The following LIPH variants were observed in gnomAD, a reference collection of about 807,000 sequenced individuals.
The protein encoded by LIPH is lipase member H.
A neutral mutation model predicts 47.6 loss-of-function variants in LIPH; 32 were observed. The ratio of observed to expected loss-of-function variants is 0.67; its 90% CI spans 0.51 to 0.90. The LOEUF (loss-of-function observed/expected upper bound fraction) is 0.90. Among genes scored for constraint, LIPH ranks in the 40% least tolerant of loss-of-function variants. The pLI, the probability that LIPH is intolerant of heterozygous loss-of-function variation, is 0.00. For missense variants in LIPH, 497 were observed against 541.4 expected (o/e 0.92, Z 0.81); for synonymous variants, 190 against 195.6 (o/e 0.97, Z 0.24).
chr3:185,537,784 A>C (rs1050114809), intron 1 of LIPH, among the ~76,000 whole-genome samples: 3 of 152,094 alleles, frequency 2.0e-5, no homozygotes, highest in Non-Finnish European at 4.4e-5. Flanking sequence ...TTACTTTCCC[A>C]AGAAGAGGAT....
chr3:185,543,181 C>A (rs1720767488), intron 1 of LIPH, among the ~76,000 whole-genome samples: 1 of 152,084 alleles, frequency 6.6e-6, no homozygotes, highest in African/African-American at 2.4e-5. Context: ...TGCACTCCAG[C>A]CTGGGCAACA....
At chr3:185,549,093 T>G (rs1342964316) in intron 1 of LIPH, among the ~76,000 whole-genome samples, 4 of 149,176 alleles carry the variant, frequency 2.7e-5, no homozygotes, top group African/African-American at 9.9e-5. Context: ...ATCGCACCAC[T>G]GCAGTCCAGC....
intron 5 of LIPH, among the ~76,000 whole-genome samples, chr3:185,522,679 AAAGAAAGAAAGAAAGAAAG>A (rs1719944089): frequency 6.9e-6 from 1 of 145,738 alleles, no homozygotes; most frequent in Non-Finnish European, 1.5e-5. Flanking sequence ...AGAAAGAAAG[AAAGAAAGAAAGAAAGAAAG>A]AAAGGTGGCC....
intron 1 of LIPH, chr3:185,546,953 A>G (rs1233926647): frequency 2.2e-6 from 1 of 445,824 alleles, no homozygotes; most frequent in Non-Finnish European, 4.5e-6. Flanking sequence ...GAGACTCCTC[A>G]TTCATATCCA....
chr3:185,527,951 G>A (rs915478002), intron 3 of LIPH, among the ~76,000 whole-genome samples: 7 of 151,504 alleles, frequency 4.6e-5, no homozygotes, highest in South Asian at 2.1e-4. Flanking sequence ...CAGCCTGGGC[G>A]CAGTGGCTCA....
chr3:185,523,301 G>GTTATAAT (rs1448327455), intron 5 of LIPH, among the ~76,000 whole-genome samples: 1 of 152,146 alleles, frequency 6.6e-6, no homozygotes, highest in Non-Finnish European at 1.5e-5. Flanking sequence ...GTATATTTGA[G>GTTATAAT]TTATAATTTA....
intron 3 of LIPH, 76 bp from the exon 4 acceptor site, chr3:185,527,661 G>T: frequency 2.1e-6 from 2 of 960,912 alleles, no homozygotes; most frequent in Non-Finnish European, 3.4e-6. Context: ...CCTTCTGGAT[G>T]AGGGTGGCTC....
chr3:185,542,288 G>A (rs1251744672), intron 1 of LIPH, among the ~76,000 whole-genome samples: 1 of 151,636 alleles, frequency 6.6e-6, no homozygotes, highest in Non-Finnish European at 1.5e-5. Flanking sequence ...GTCACTTAGT[G>A]CCACGTTTTT....
chr3:185,544,499 C>T (rs1051145837), intron 1 of LIPH, among the ~76,000 whole-genome samples: 4 of 152,004 alleles, frequency 2.6e-5, no homozygotes, highest in Admixed American at 1.3e-4. Flanking sequence ...GGATTACAGG[C>T]GCCCACCACC....
At chr3:185,518,049 G>A (rs950766204) in intron 6 of LIPH, among the ~76,000 whole-genome samples, 1 of 152,156 alleles carries the variant, frequency 6.6e-6, no homozygotes, top group Non-Finnish European at 1.5e-5. Context: ...CTTGTCAGGA[G>A]AGTCTCTGGG....
At chr3:185,550,281 A>G (rs973604526) in intron 1 of LIPH, among the ~76,000 whole-genome samples, 6 of 152,212 alleles carry the variant, frequency 3.9e-5, no homozygotes, top group African/African-American at 1.4e-4. Flanking sequence ...GCTTACAGCT[A>G]TACTATTTTT....
chr3:185,542,177 A>G (rs1334077615), intron 1 of LIPH, among the ~76,000 whole-genome samples: 3 of 152,166 alleles, frequency 2.0e-5, no homozygotes, highest in Non-Finnish European at 4.4e-5. Context: ...CCTGACATGC[A>G]TGATCTCAGC....
At chr3:185,542,592 C>T (rs1055463048) in intron 1 of LIPH, among the ~76,000 whole-genome samples, 3 of 152,160 alleles carry the variant, frequency 2.0e-5, no homozygotes, top group African/African-American at 7.2e-5. Context: ...GCTGGGATTA[C>T]AGGCGTAAGC....
Position 185,523,846 on chromosome 3 carries a change from C to T in LIPH, c.718+225G>A, listed in dbSNP as rs139504365. Among the ~76,000 whole-genome samples, 37 of 152,194 alleles carry T rather than the reference C, an allele frequency of 2.4e-4. No homozygotes were observed. In the East Asian group the frequency reaches 7.2e-3, roughly 29 times the overall value. On this transcript the variant is annotated intron_variant, in intron 5 of 9. Coordinates refer to ENST00000296252, the MANE Select transcript of LIPH (RefSeq NM_139248.3). ...CAAGAGATTCTCTTGCCTCAGCCTC[C>T]CGAGTAGCTGGGACTACAGGCATGC...
chr3:185,522,008 AC>A (rs1371987385), intron 5 of LIPH, among the ~76,000 whole-genome samples: 1 of 152,184 alleles, frequency 6.6e-6, no homozygotes, highest in Non-Finnish European at 1.5e-5. Context: ...TGTACTTATA[AC>A]TGCTGAAATA....
At chr3:185,527,611 C>T in intron 3 of LIPH, 26 bp from the exon 4 acceptor site, 5 of 1,445,272 alleles carry the variant, frequency 3.5e-6, no homozygotes, top group Non-Finnish European at 4.9e-6. Flanking sequence ...AGTCACTTGG[C>T]AGCCCCACAC....
At chr3:185,543,846 C>CTT (rs57080060) in intron 1 of LIPH, among the ~76,000 whole-genome samples, 16,206 of 108,658 alleles carry the variant, frequency 0.15, 1,400 homozygotes, top group African/African-American at 0.23. Context: ...CTGGCTCTTG[C>CTT]TTTTTTTTTT....
intron 3 of LIPH, 128 bp downstream of exon 3, chr3:185,533,443 C>A: frequency 1.4e-6 from 1 of 707,444 alleles, no homozygotes. Context: ...CATGCAATGA[C>A]CCACACTCAG....
chr3:185,534,970 G>T lies in LIPH; in HGVS notation c.212C>A (p.Thr71Asn). 1.2e-6 allele frequency: 2 copies of T among 1,613,900 alleles called. No homozygotes were observed. The highest frequency in any genetic ancestry group is 1.7e-6 in the Non-Finnish European group (2 of 1,179,900). Residue 71 changes from threonine to asparagine, a missense_variant, in exon 2 of 10, where the codon ACC (threonine) becomes AAC (asparagine). Thr to Asn is a moderately conservative substitution (Grantham distance 65). Coordinates refer to ENST00000296252, the MANE Select transcript of LIPH (RefSeq NM_139248.3). ...CCTGAATCCATGGACAATGAAGGTG[G>T]TTTTCTTGGTCACATTCAAGTTCCC... ...AFGNLNVTKK[T>N]TFIVHGFRPT...
Sources: gnomAD v4.1 joint callset for allele counts (sites outside exome capture counted in the v4.1 genomes callset) on GRCh38, gnomAD v4.1.1 for gene constraint, MANE v1.5 for transcripts, NCBI Gene and HGNC (gene_info 2026-07-23, HGNC 2026-07-21) for gene names.